The following INPP4B variants were observed in gnomAD, a reference collection of about 807,000 sequenced individuals.
INPP4B encodes inositol polyphosphate-4-phosphatase type II B, also known as inositol polyphosphate 4-phosphatase type II.
Under a neutral mutation model 122.5 loss-of-function variants are expected in INPP4B, and 55 were observed. That is an observed-to-expected ratio of 0.45 (90% CI 0.36 to 0.56). The LOEUF is 0.56. Ranked by LOEUF, INPP4B falls within the 20% of genes least tolerant of loss-of-function variation. The pLI is 0.00. For synonymous variants in INPP4B, 403 were observed against 388.7 expected, an observed-to-expected ratio of 1.04 and a Z score of -0.43; for missense variants, 1,000 against 1,097.7, an observed-to-expected ratio of 0.91 and a Z score of 1.26.
At chr4:142,774,729 T>C (rs140466151) in intron 1 of INPP4B, among the ~76,000 whole-genome samples, 1 of 152,204 alleles carries the variant, frequency 6.6e-6, no homozygotes, top group Non-Finnish European at 1.5e-5. Context: ...GAGTTCCCTA[T>C]TTTGAAACTG....
chr4:142,285,936 G>A (rs1753445231), intron 9 of INPP4B, among the ~76,000 whole-genome samples: 2 of 152,122 alleles, frequency 1.3e-5, no homozygotes, highest in Admixed American at 1.3e-4. Flanking sequence ...TCCATTTCCT[G>A]ATTTTAACTT....
At chr4:142,631,208 A>C (rs115225793) in intron 2 of INPP4B, among the ~76,000 whole-genome samples, 1,613 of 152,200 alleles carry the variant, frequency 0.011, 28 homozygotes, top group African/African-American at 0.037. Context: ...AAGAGACAGA[A>C]GGACAAGACT....
chr4:142,242,386 A>G (rs559493445), intron 11 of INPP4B, among the ~76,000 whole-genome samples: 1 of 152,324 alleles, frequency 6.6e-6, no homozygotes, highest in East Asian at 1.9e-4. Context: ...ACTATTGCAG[A>G]TGTCATAATA....
intron 2 of INPP4B, among the ~76,000 whole-genome samples, chr4:142,663,050 A>G (rs767155022): frequency 2.6e-5 from 4 of 152,210 alleles, no homozygotes; most frequent in Non-Finnish European, 4.4e-5. Flanking sequence ...TGTTGAAACA[A>G]ATTATCAGAA....
intron 9 of INPP4B, among the ~76,000 whole-genome samples, chr4:142,296,560 T>C (rs1561780113): frequency 6.6e-6 from 1 of 152,234 alleles, no homozygotes; most frequent in Non-Finnish European, 1.5e-5. Context: ...TGTCAGACAC[T>C]GTTGTAAGAA....
intron 1 of INPP4B, among the ~76,000 whole-genome samples, chr4:142,830,559 T>G (rs763670462): frequency 6.6e-6 from 1 of 151,990 alleles, no homozygotes; most frequent in Admixed American, 6.6e-5. Flanking sequence ...CTTGAGTGTG[T>G]TCCCTGCTGG....
intron 6 of INPP4B, among the ~76,000 whole-genome samples, chr4:142,404,852 T>G (rs1802820109): frequency 6.6e-6 from 1 of 152,122 alleles, no homozygotes; most frequent in Admixed American, 6.5e-5. Context: ...AGTCTGTATG[T>G]TGTTTTTCTT....
chr4:142,257,856 C>A (rs373647374), intron 11 of INPP4B, among the ~76,000 whole-genome samples: 5,758 of 151,992 alleles, frequency 0.038, 290 homozygotes, highest in African/African-American at 0.13. Context: ...AAACTACTTT[C>A]AAGTTCATAT....
intron 9 of INPP4B, among the ~76,000 whole-genome samples, chr4:142,275,634 T>C (rs540368134): frequency 7.2e-5 from 11 of 151,988 alleles, no homozygotes; most frequent in Non-Finnish European, 1.5e-4. Context: ...AAGTTAGATT[T>C]ATATTTAAGT....
chr4:142,651,343 T>C (rs1247662915), intron 2 of INPP4B, among the ~76,000 whole-genome samples: 1 of 151,986 alleles, frequency 6.6e-6, no homozygotes, highest in Non-Finnish European at 1.5e-5. Flanking sequence ...ATTCAAAAGC[T>C]AGTGGAAGGC....
At chr4:142,721,272 A>G (rs1764625994) in intron 2 of INPP4B, among the ~76,000 whole-genome samples, 1 of 151,938 alleles carries the variant, frequency 6.6e-6, no homozygotes, top group South Asian at 2.1e-4. Context: ...CCATGACCCT[A>G]CTCCATTTCC....
chr4:142,172,915 C>T (rs1826283829), intron 16 of INPP4B, among the ~76,000 whole-genome samples: 1 of 151,916 alleles, frequency 6.6e-6, no homozygotes, highest in Non-Finnish European at 1.5e-5. Context: ...TGAAAGTGGA[C>T]ACTGGTTTTA....
chr4:142,380,405 T>C (rs1793671913), intron 7 of INPP4B, among the ~76,000 whole-genome samples: 1 of 152,130 alleles, frequency 6.6e-6, no homozygotes, highest in African/African-American at 2.4e-5. Context: ...CCCTAGGCAC[T>C]GACAGCCCTG....
chr4:142,192,859 G>C (rs1836594072), intron 15 of INPP4B, among the ~76,000 whole-genome samples: 1 of 152,126 alleles, frequency 6.6e-6, no homozygotes, highest in Non-Finnish European at 1.5e-5. Flanking sequence ...ATGACTTCCA[G>C]AAGATTTTCT....
chr4:142,118,869 T>G (rs79257829), intron 21 of INPP4B, among the ~76,000 whole-genome samples: 135,112 of 152,072 alleles, frequency 0.89, 61,754 homozygotes, highest in Non-Finnish European at 0.99. Flanking sequence ...CCTACAGAAT[T>G]GGAGAAAATT....
At chr4:142,553,032 T>C (rs1250451417) in intron 2 of INPP4B, among the ~76,000 whole-genome samples, 1 of 152,214 alleles carries the variant, frequency 6.6e-6, no homozygotes, top group Non-Finnish European at 1.5e-5. Flanking sequence ...TGAAGACCTC[T>C]CCTTCCTTTT....
At chr4:142,676,617 A>G (rs1278502584) in intron 2 of INPP4B, among the ~76,000 whole-genome samples, 1 of 152,188 alleles carries the variant, frequency 6.6e-6, no homozygotes, top group East Asian at 1.9e-4. Context: ...TAACAAAAAC[A>G]GCATGGTACT....
intron 25 of INPP4B, among the ~76,000 whole-genome samples, chr4:142,057,606 G>A (rs1310909163): frequency 1.3e-5 from 2 of 152,114 alleles, no homozygotes; most frequent in African/African-American, 2.4e-5. Context: ...TCATTTGCCT[G>A]TGTATAAAGA....
At chr4:142,399,321 T>C (rs1800846272) in intron 7 of INPP4B, among the ~76,000 whole-genome samples, 1 of 148,258 alleles carries the variant, frequency 6.7e-6, no homozygotes, top group Admixed American at 6.9e-5. Flanking sequence ...CTCAGCCTCC[T>C]GACTAGCTGG....
Sources: allele counts gnomAD v4.1 joint callset (sites outside exome capture counted in the v4.1 genomes callset), GRCh38; gene constraint gnomAD v4.1.1; transcripts MANE v1.5; gene names NCBI Gene and HGNC (gene_info 2026-07-23, HGNC 2026-07-21).